NFS1: variants seen among roughly 807,000 people sequenced by gnomAD.
NFS1 encodes the protein NFS1 cysteine desulfurase, also known as cysteine desulfurase.
In NFS1, 26 loss-of-function variants were observed where a neutral mutation model predicts 57.3. The ratio of observed to expected loss-of-function variants is 0.45; its 90% CI spans 0.33 to 0.63. The LOEUF (loss-of-function observed/expected upper bound fraction) is 0.63, where lower values mean the gene tolerates loss of function less well. NFS1 is among the 20% of genes least tolerant of loss of function. NFS1 has a pLI of 0.02. For synonymous variants in NFS1, 209 were observed against 216.3 expected, an observed-to-expected ratio of 0.97 and a Z score of 0.30; for missense variants, 505 against 605.8, an observed-to-expected ratio of 0.83 and a Z score of 1.75.
intron 12 of NFS1, among the ~76,000 whole-genome samples, chr20:35,671,527 T>G (rs949659920): frequency 2.0e-5 from 3 of 152,166 alleles, no homozygotes; most frequent in Non-Finnish European, 4.4e-5. Flanking sequence ...ACTACAACTG[T>G]GCCACTGCAC....
intron 8 of NFS1, 165 bp from the exon 9 acceptor site, chr20:35,674,782 G>T: frequency 1.5e-6 from 1 of 683,112 alleles, no homozygotes; most frequent in Non-Finnish European, 2.5e-6. Flanking sequence ...CATAGTGCCT[G>T]GTATGCAAAA....
intron 5 of NFS1, 116 bp downstream of exon 5, chr20:35,690,297 T>C (rs2035020406): frequency 1.0e-6 from 1 of 999,658 alleles, no homozygotes; most frequent in Non-Finnish European, 1.5e-6. Context: ...TTCTCTAAAC[T>C]TCATCCTAAC....
At chr20:35,698,740 G>T in intron 1 of NFS1, 150 bp from the exon 2 acceptor site, 5 of 1,415,250 alleles carry the variant, frequency 3.5e-6, no homozygotes, top group Non-Finnish European at 4.6e-6. Flanking sequence ...AACAACACCA[G>T]ATACCTGACA....
intron 11 of NFS1, 59 bp downstream of exon 11, chr20:35,673,542 C>T: frequency 7.0e-7 from 1 of 1,434,446 alleles, no homozygotes; most frequent in Middle Eastern, 1.8e-4. Flanking sequence ...AAAACTGTAA[C>T]AGGAGATGAA....
chr20:35,699,186 G>C lies in NFS1; in HGVS notation c.97+6C>G. 1 of 1,403,134 alleles carries C rather than the reference G, an allele frequency of 7.1e-7. No homozygotes were observed. Among genetic ancestry groups the C allele is most frequent in the East Asian group, 3.0e-5 (1 of 33,868 alleles). The allele number at this position is 1,403,134 out of a possible 1,614,324, so 86.9% of individuals were successfully genotyped here. A position where few individuals can be genotyped will look rare whatever the true frequency, so the allele number is the denominator to read the frequency against. ...GCGCCTCCCGGAGAGCGGGACCCGA[G>C]CGTACCGCGCAGGCGCAGCCCCCGA... is the stretch of plus-strand genomic sequence containing the variant. On this transcript the variant is annotated splice_donor_region_variant and intron_variant, in intron 1 of 12. Coordinates refer to ENST00000374092, the MANE Select transcript of NFS1 (RefSeq NM_021100.5). This position sits in a 1 kb window ranked among gnomAD's most constrained non-coding sequence, Gnocchi z 4.4.
At position 35,669,572 on chromosome 20, in the gene NFS1, T is replaced by C; in HGVS notation, c.*50A>G. 1 of 1,555,892 alleles carries C rather than the reference T, an allele frequency of 6.4e-7. No individual in the cohort carries two copies. The highest frequency in any genetic ancestry group is 8.9e-7 in the Non-Finnish European group (1 of 1,127,108). ...AACAAGGTGTCTGGTTGTGCACGGG[T>C]TGGTGAGGCAGGAGGGGCCAGACCA... On this transcript the variant is annotated 3_prime_UTR_variant, in exon 13 of 13. Transcript: ENST00000374092.
At chr20:35,688,577 A>T (rs2034985830) in intron 5 of NFS1, among the ~76,000 whole-genome samples, 1 of 151,996 alleles carries the variant, frequency 6.6e-6, no homozygotes, top group Non-Finnish European at 1.5e-5. Flanking sequence ...ACAAAAATAA[A>T]AATTTAGCCA....
At position 35,669,684 on chromosome 20, in the gene NFS1, G is replaced by A. The variant is rs766586663; in HGVS notation, c.1312C>T (p.Pro438Ser). The A allele has an allele frequency of 6.2e-7, 1 of 1,613,976 alleles. No individual in the cohort carries two copies. Among genetic ancestry groups the A allele is most frequent in the South Asian group, 1.1e-5 (1 of 91,086 alleles). ...QHVKRLREMSPLWEMVQDGID... is the reference protein window; with the variant it reads ...QHVKRLREMSSLWEMVQDGID... ...CCATCCTGAACCATCTCCCAGAGAG[G>A]GCTGCCAAAGAGAAGAGGCATTAAA... The change falls in exon 13 of 13, where the codon CCT (proline) becomes TCT (serine). Residue 438 changes from proline (P) to serine (S), a missense_variant and splice_region_variant. By Grantham distance (74) the Pro-to-Ser change is moderately conservative. Transcript: ENST00000374092.
At position 35,676,378 on chromosome 20, in the gene NFS1, G is replaced by C. The variant is rs530206137; in HGVS notation, c.791-1176C>G. ...CGAGGCGGACAGATCATGAAATCAG[G>C]AGTTCGAGACCAGCCTGACCAACAT... is the stretch of plus-strand genomic sequence containing the variant. On this transcript the variant is annotated intron_variant, in intron 7 of 12. Coordinates refer to ENST00000374092, the MANE Select transcript of NFS1 (RefSeq NM_021100.5). Among the ~76,000 whole-genome samples the C allele has an allele frequency of 1.1e-4, 16 of 151,976 alleles. No homozygotes were observed. The East Asian group carries it at 3.1e-3, about 29-fold the overall frequency.
chr20:35,678,418 C>T lies in NFS1; in HGVS notation c.790+2319G>A, dbSNP rs139750616. On this transcript the variant is annotated intron_variant, in intron 7 of 12. Transcript: ENST00000374092. ...TGGCAGGCACCTGTAATCCCAGCTA[C>T]TTGGGAGGCTGAGGCAGGAGAATCG... is the stretch of plus-strand genomic sequence containing the variant. 6.3e-3 allele frequency among the ~76,000 whole-genome samples: 959 copies of T among 151,464 alleles called. 8 individuals carry two copies. Among genetic ancestry groups the T allele is most frequent in the East Asian group, 0.04 (207 of 5,150 alleles).
At chr20:35,693,523 T>C (rs1338618487) in intron 4 of NFS1, among the ~76,000 whole-genome samples, 1 of 152,100 alleles carries the variant, frequency 6.6e-6, no homozygotes, top group Non-Finnish European at 1.5e-5. Flanking sequence ...TAAAAGACTA[T>C]TACCTTTAAC....
At chr20:35,687,415 C>T (rs1338057134) in intron 5 of NFS1, among the ~76,000 whole-genome samples, 1 of 147,906 alleles carries the variant, frequency 6.8e-6, no homozygotes. Flanking sequence ...CTCTCTCTCT[C>T]CTCTCTCTCT....
chr20:35,689,420 C>T (rs924331322), intron 5 of NFS1, among the ~76,000 whole-genome samples: 1 of 146,946 alleles, frequency 6.8e-6, no homozygotes, highest in Admixed American at 6.8e-5. Flanking sequence ...GTCAGGAGTT[C>T]GAGACCAGCC....
chr20:35,698,695 T>A, intron 1 of NFS1, 105 bp from the exon 2 acceptor site: 9 of 1,448,634 alleles, frequency 6.2e-6, no homozygotes, highest in Non-Finnish European at 8.2e-6. Flanking sequence ...GAGATAAGTG[T>A]AAGGGATGCT....
intron 5 of NFS1, among the ~76,000 whole-genome samples, chr20:35,685,048 G>A (rs1038182250): frequency 5.9e-5 from 9 of 151,476 alleles, no homozygotes; most frequent in Admixed American, 2.6e-4. Flanking sequence ...CACCACACCC[G>A]GCTAATTTTT....
At chr20:35,670,361 C>T (rs1040497903) in intron 12 of NFS1, among the ~76,000 whole-genome samples, 4 of 152,166 alleles carry the variant, frequency 2.6e-5, no homozygotes, top group Middle Eastern at 3.2e-3. Flanking sequence ...AAGCTCTGAT[C>T]GATCCCCAAG....
chr20:35,675,275 G>A, intron 7 of NFS1, 73 bp from the exon 8 acceptor site: 2 of 1,422,238 alleles, frequency 1.4e-6, no homozygotes, highest in East Asian at 2.6e-5. Context: ...CTTTCCAAAG[G>A]GATCAAAATA....
rs1162377993 is a variant in NFS1, at chr20:35,699,217, C to A, written c.72G>T (p.Ala24=). 2.1e-6 allele frequency: 3 copies of A among 1,426,634 alleles called. No individual in the cohort carries two copies. The highest frequency in any genetic ancestry group is 2.7e-6 in the Non-Finnish European group (3 of 1,099,292). The allele number at this position is 1,426,634 out of a possible 1,614,324, so 88.4% of individuals were successfully genotyped here. A position where few individuals can be genotyped will look rare whatever the true frequency, so the allele number is the denominator to read the frequency against. The stretch of plus-strand genomic sequence containing the variant: ...CGCGCAGGCGCAGCCCCCGAGTGGG[C>A]GCCGCGGGCTTCGGCCCTGGAGCCG... The part of the protein sequence containing the change: ...VTAAPGPKPA[A]PTRGLRLRVG... Residue 24 remains alanine (A), a synonymous_variant, in exon 1 of 13, where the codon GCG becomes GCT. Coordinates refer to ENST00000374092, the MANE Select transcript of NFS1 (RefSeq NM_021100.5). The surrounding 1 kb of genome is among the most constrained non-coding windows in gnomAD (Gnocchi z 4.4).
At chr20:35,674,764 G>C in intron 8 of NFS1, 147 bp from the exon 9 acceptor site, 1 of 705,536 alleles carries the variant, frequency 1.4e-6, no homozygotes, top group Non-Finnish European at 2.4e-6. Flanking sequence ...TGTATCTCCA[G>C]TACTGAGCAT....
Sources: gnomAD v4.1 joint callset for allele counts (sites outside exome capture counted in the v4.1 genomes callset) on GRCh38, gnomAD v4.1.1 for gene constraint, Gnocchi (gnomAD v3.1) non-coding constraint, MANE v1.5 for transcripts, NCBI Gene and HGNC (gene_info 2026-07-23, HGNC 2026-07-21) for gene names.